Variants in ABCC4 observed in about 807,000 individuals in gnomAD.
The protein encoded by ABCC4 is ATP binding cassette subfamily C member 4 (PEL blood group).
Under a neutral mutation model 168.5 loss-of-function variants are expected in ABCC4, and 102 were observed. The observed-to-expected ratio is 0.61, with a 90% CI of 0.52 to 0.71. The LOEUF is 0.71. ABCC4 is among the 30% of genes least tolerant of loss of function. The pLI is 0.00. For missense variants in ABCC4, 1,402 were observed against 1,605.8 expected (o/e 0.87, Z 2.17); for synonymous variants, 617 against 590.7 (o/e 1.04, Z -0.65).
chr13:95,267,322 T>A (rs556556778), intron 1 of ABCC4, among the ~76,000 whole-genome samples: 1 of 152,000 alleles, frequency 6.6e-6, no homozygotes, highest in South Asian at 2.1e-4. Context: ...GATCTGCTGG[T>A]TTTATAAAGT....
chr13:95,206,393 C>A, intron 8 of ABCC4, 139 bp downstream of exon 8: 1 of 1,154,120 alleles, frequency 8.7e-7, no homozygotes, highest in Non-Finnish European at 1.2e-6. Context: ...GAAGTACACA[C>A]AACATTCTGG....
Position 95,161,352 on chromosome 13 carries a change from T to A in ABCC4, c.2309-17A>T. 6.4e-7 allele frequency: 1 copy of A among 1,561,260 alleles called. No individual in the cohort carries two copies. The highest frequency in any genetic ancestry group is 8.6e-7 in the Non-Finnish European group (1 of 1,158,424). On this transcript the variant is annotated splice_polypyrimidine_tract_variant and intron_variant, in intron 18 of 30. Coordinates refer to ENST00000645237, the MANE Select transcript of ABCC4 (RefSeq NM_005845.5). ...CAGTTAAACCTGAAATAAAGAAATA[T>A]CACTTAGAGAACACAGCATATCTCT...
At chr13:95,159,132 T>TATATATAA (rs1486901839) in intron 19 of ABCC4, among the ~76,000 whole-genome samples, 19 of 124,386 alleles carry the variant, frequency 1.5e-4, no homozygotes, top group African/African-American at 4.6e-4. Flanking sequence ...TATATATATA[T>TATATATAA]AACTATTGAA....
At chr13:95,061,992 A>C (rs2033316389) in intron 26 of ABCC4, among the ~76,000 whole-genome samples, 3 of 152,214 alleles carry the variant, frequency 2.0e-5, no homozygotes, top group African/African-American at 7.2e-5. Context: ...GCAAAGGAGA[A>C]GAAAAGAAAA....
chr13:95,206,854 G>C, intron 7 of ABCC4, 73 bp from the exon 8 acceptor site: 1 of 1,529,936 alleles, frequency 6.5e-7, no homozygotes, highest in Non-Finnish European at 8.9e-7. Flanking sequence ...TGCAATCTCA[G>C]CACTTTGGGA....
At chr13:95,074,577 A>C (rs903664742) in intron 22 of ABCC4, among the ~76,000 whole-genome samples, 2 of 152,206 alleles carry the variant, frequency 1.3e-5, no homozygotes, top group Non-Finnish European at 2.9e-5. Flanking sequence ...GAACTGAGAA[A>C]AGTAGTCTCA....
chr13:95,251,933 G>C (rs2040274389), intron 1 of ABCC4, among the ~76,000 whole-genome samples: 1 of 152,164 alleles, frequency 6.6e-6, no homozygotes, highest in African/African-American at 2.4e-5. Flanking sequence ...ATACTATTCT[G>C]AGTAGCATGA....
intron 29 of ABCC4, among the ~76,000 whole-genome samples, chr13:95,041,332 A>G (rs2032349808): frequency 6.6e-6 from 1 of 152,254 alleles, no homozygotes; most frequent in Admixed American, 6.5e-5. Context: ...GTCAACACAT[A>G]AACAAAGCTA....
At chr13:95,257,477 G>A (rs987522587) in intron 1 of ABCC4, among the ~76,000 whole-genome samples, 1 of 152,082 alleles carries the variant, frequency 6.6e-6, no homozygotes, top group African/African-American at 2.4e-5. Context: ...AGACCAGCCT[G>A]GCCAACAATG....
chr13:95,193,832 C>T (rs1366701599), intron 9 of ABCC4, among the ~76,000 whole-genome samples: 2 of 152,190 alleles, frequency 1.3e-5, no homozygotes, highest in Non-Finnish European at 2.9e-5. Flanking sequence ...CAGAGGCGAA[C>T]GCCTCATGGC....
chr13:95,111,456 A>G (rs1484669502), intron 20 of ABCC4, among the ~76,000 whole-genome samples: 2 of 152,192 alleles, frequency 1.3e-5, no homozygotes, highest in Non-Finnish European at 2.9e-5. Flanking sequence ...GATATATTCA[A>G]AAACTTCCCT....
At chr13:95,160,991 GC>G (rs139755003) in intron 19 of ABCC4, among the ~76,000 whole-genome samples, 197 bp downstream of exon 19, 7,853 of 146,864 alleles carry the variant, frequency 0.053, 160 homozygotes, top group Middle Eastern at 0.12. Flanking sequence ...AAGATTGTAT[GC>G]CCCCCCCTCC....
chr13:95,080,630 C>T (rs1305767378), intron 21 of ABCC4, among the ~76,000 whole-genome samples: 1 of 152,182 alleles, frequency 6.6e-6, no homozygotes, highest in African/African-American at 2.4e-5. Context: ...TGCACCATCA[C>T]GCCCAGCTAA....
intron 20 of ABCC4, among the ~76,000 whole-genome samples, chr13:95,109,267 G>A (rs774677843): frequency 2.6e-5 from 4 of 152,172 alleles, no homozygotes. Flanking sequence ...AGGACCTAGA[G>A]ATTGTTTTAT....
chr13:95,122,379 A>T (rs1418680527), intron 19 of ABCC4, among the ~76,000 whole-genome samples: 1 of 152,312 alleles, frequency 6.6e-6, no homozygotes, highest in South Asian at 2.1e-4. Flanking sequence ...ACCCTACCTT[A>T]GATCTATGCC....
chr13:95,277,762 C>G (rs963551785), intron 1 of ABCC4, among the ~76,000 whole-genome samples: 1 of 152,102 alleles, frequency 6.6e-6, no homozygotes, highest in African/African-American at 2.4e-5. Context: ...AATGCACTTA[C>G]AGAAAAATCC....
chr13:95,261,183 C>A (rs1268870811), intron 1 of ABCC4, among the ~76,000 whole-genome samples: 1 of 152,114 alleles, frequency 6.6e-6, no homozygotes, highest in African/African-American at 2.4e-5. Flanking sequence ...CCCAGTGGCT[C>A]ACGCCTGTAA....
chr13:95,021,863 G>A (rs1257887076), intron 30 of ABCC4, among the ~76,000 whole-genome samples, 181 bp from the exon 31 acceptor site: 1 of 152,198 alleles, frequency 6.6e-6, no homozygotes, highest in Non-Finnish European at 1.5e-5. Context: ...AAAACCCTCA[G>A]CAGGGCTGGG....
intron 19 of ABCC4, among the ~76,000 whole-genome samples, chr13:95,152,755 G>C (rs1462991070): frequency 6.6e-6 from 1 of 151,898 alleles, no homozygotes; most frequent in Admixed American, 6.6e-5. Context: ...TAAAATAATG[G>C]AATAAGAAAA....
Sources: gnomAD v4.1 joint callset for allele counts (sites outside exome capture counted in the v4.1 genomes callset) on GRCh38, gnomAD v4.1.1 for gene constraint, MANE v1.5 for transcripts, NCBI Gene and HGNC (gene_info 2026-07-23, HGNC 2026-07-21) for gene names.